The following CCDC171 variants were observed in gnomAD, a reference collection of about 807,000 sequenced individuals.
CCDC171 encodes the protein coiled-coil domain-containing protein 171.
CCDC171 carries 177 observed loss-of-function variants against 168.2 expected under a neutral mutation model. The observed-to-expected ratio is 1.05, with a 90% CI of 0.93 to 1.19. CCDC171 has a LOEUF of 1.19. Among genes scored for constraint, CCDC171 ranks in the 50% most tolerant of loss-of-function variants. CCDC171 has a pLI of 0.00. For missense variants in CCDC171, 1,991 were observed against 1,539.0 expected (o/e 1.29, Z -4.91); for synonymous variants, 687 against 540.8 (o/e 1.27, Z -3.75).
chr9:15,569,840 AACAAAC>A (rs1563957536), intron 2 of CCDC171, among the ~76,000 whole-genome samples: 1 of 110,334 alleles, frequency 9.1e-6, no homozygotes, highest in Non-Finnish European at 1.9e-5. Flanking sequence ...ACAAAAAACA[AACAAAC>A]AAAAAAAAAA....
intron 7 of CCDC171, among the ~76,000 whole-genome samples, chr9:15,631,120 G>T (rs367617040): frequency 1.3e-5 from 2 of 151,936 alleles, no homozygotes; most frequent in East Asian, 3.9e-4. Context: ...AACTAGAGAA[G>T]CAAGAGCAAA....
chr9:15,889,425 T>C (rs910608664), intron 24 of CCDC171, among the ~76,000 whole-genome samples: 3 of 152,174 alleles, frequency 2.0e-5, no homozygotes, highest in Non-Finnish European at 4.4e-5. Flanking sequence ...GAGAAGCACA[T>C]TCAGTCTGTG....
the CCDC171 span, among the ~76,000 whole-genome samples, chr9:16,091,310 T>A: frequency 2.6e-5 from 4 of 152,194 alleles, no homozygotes; most frequent in Non-Finnish European, 5.9e-5. Flanking sequence ...TTCTACCCAA[T>A]GGAAAAGAAA....
At chr9:15,649,236 C>G (rs2047303167) in intron 7 of CCDC171, among the ~76,000 whole-genome samples, 1 of 152,084 alleles carries the variant, frequency 6.6e-6, no homozygotes, top group Admixed American at 6.5e-5. Flanking sequence ...ACACCTTATA[C>G]AAAAGTTAAT....
intron 14 of CCDC171, 110 bp from the exon 15 acceptor site, chr9:15,727,759 G>T (rs1394193753): frequency 1.4e-6 from 1 of 734,164 alleles, no homozygotes; most frequent in Non-Finnish European, 2.0e-6. Context: ...CTTGAGTATT[G>T]TAATTCCTTT....
chr9:15,840,609 C>G (rs2060637912), intron 21 of CCDC171, among the ~76,000 whole-genome samples: 1 of 152,098 alleles, frequency 6.6e-6, no homozygotes, highest in South Asian at 2.1e-4. Flanking sequence ...CTCATGAGGT[C>G]TGCAGTGCAG....
At chr9:15,851,158 T>C (rs1207860919) in intron 23 of CCDC171, among the ~76,000 whole-genome samples, 1 of 152,002 alleles carries the variant, frequency 6.6e-6, no homozygotes, top group Admixed American at 6.6e-5. Flanking sequence ...AATTACATTT[T>C]ATTTATACTT....
At chr9:16,040,102 G>A (rs1244938819), upstream of CCDC171, among the ~76,000 whole-genome samples, 2 of 152,108 alleles carry the variant, frequency 1.3e-5, no homozygotes, top group African/African-American at 4.8e-5. Context: ...GGGAAGGTGA[G>A]GGCCAGCTGG....
intron 21 of CCDC171, among the ~76,000 whole-genome samples, chr9:15,833,358 C>T (rs866881545): frequency 3.9e-5 from 6 of 152,038 alleles, no homozygotes; most frequent in African/African-American, 9.7e-5. Flanking sequence ...TTATGTGGTA[C>T]ATGACTTTAT....
intron 24 of CCDC171, among the ~76,000 whole-genome samples, chr9:15,913,694 G>T (rs975178225): frequency 2.6e-5 from 4 of 152,104 alleles, no homozygotes; most frequent in Non-Finnish European, 5.9e-5. Context: ...TGCTGGCGAG[G>T]AGTTGTGATC....
intron 24 of CCDC171, among the ~76,000 whole-genome samples, chr9:15,907,958 C>T (rs371327841): frequency 5.3e-5 from 8 of 152,028 alleles, no homozygotes; most frequent in Admixed American, 3.9e-4. Context: ...CAATGAGATA[C>T]CATCTCACAC....
At chr9:15,937,607 A>G (rs986732211) in intron 25 of CCDC171, among the ~76,000 whole-genome samples, 1 of 152,002 alleles carries the variant, frequency 6.6e-6, no homozygotes, top group Non-Finnish European at 1.5e-5. Context: ...TTTAAAAGTC[A>G]TTACTAAAAA....
At chr9:16,108,915 C>A in the CCDC171 span, among the ~76,000 whole-genome samples, 2 of 152,044 alleles carry the variant, frequency 1.3e-5, no homozygotes, top group South Asian at 2.1e-4. Context: ...AAAAAAGGAA[C>A]AATGTAACAA....
chr9:16,098,811 T>C, the CCDC171 span, among the ~76,000 whole-genome samples: 2 of 152,182 alleles, frequency 1.3e-5, no homozygotes, highest in African/African-American at 4.8e-5. Context: ...GACTTACATG[T>C]GTTAGCCAGA....
At chr9:15,611,527 T>C (rs2131854192) in intron 6 of CCDC171, among the ~76,000 whole-genome samples, 1 of 152,326 alleles carries the variant, frequency 6.6e-6, no homozygotes, top group Non-Finnish European at 1.5e-5. Flanking sequence ...CTTATATTGC[T>C]ATGAGTGTAG....
chr9:15,848,860 T>G (rs1216152102), intron 22 of CCDC171, 33 bp from the exon 23 acceptor site: 2 of 1,350,704 alleles, frequency 1.5e-6, no homozygotes, highest in East Asian at 4.8e-5. Flanking sequence ...AAGGTTTGAG[T>G]TTTACTAACA....
At chr9:15,791,041 G>A (rs2135587441) in intron 21 of CCDC171, among the ~76,000 whole-genome samples, 1 of 152,284 alleles carries the variant, frequency 6.6e-6, no homozygotes, top group East Asian at 1.9e-4. Context: ...GATGCCTCCA[G>A]CTTTGTTCTT....
intron 3 of CCDC171, among the ~76,000 whole-genome samples, chr9:16,019,811 C>T (rs1282000199): frequency 6.6e-6 from 1 of 152,136 alleles, no homozygotes; most frequent in Non-Finnish European, 1.5e-5. Flanking sequence ...TCTCTTGGTT[C>T]TGAGCATGAT....
At chr9:15,619,933 G>A (rs1340624396) in intron 6 of CCDC171, among the ~76,000 whole-genome samples, 1 of 152,144 alleles carries the variant, frequency 6.6e-6, no homozygotes, top group Non-Finnish European at 1.5e-5. Flanking sequence ...TACTCTGCCT[G>A]TGCTCTATAA....
Sources: allele counts gnomAD v4.1 joint callset (sites outside exome capture counted in the v4.1 genomes callset), GRCh38; gene constraint gnomAD v4.1.1; transcripts MANE v1.5; gene names NCBI Gene and HGNC (gene_info 2026-07-23, HGNC 2026-07-21).